RAB33A: variants seen among roughly 807,000 people sequenced by gnomAD.
The protein encoded by RAB33A is RAB33A, member RAS oncogene family, also known as ras-related protein Rab-33A.
A neutral mutation model predicts 12.0 loss-of-function variants in RAB33A; 6 were observed. The observed-to-expected ratio is 0.50, with a 90% confidence interval of 0.27 to 0.99. The LOEUF (loss-of-function observed/expected upper bound fraction) is 0.99. Ranked by LOEUF, RAB33A falls within the 50% of genes least tolerant of loss-of-function variation. RAB33A has a pLI of 0.11. For synonymous variants in RAB33A, 70 were observed against 82.4 expected (o/e 0.85, Z 0.81); for missense variants, 109 against 192.0 (o/e 0.57, Z 2.55).
At chrX:130,142,944 C>T in the RAB33A span, among the ~76,000 whole-genome samples, 9 of 112,275 alleles carry the variant, frequency 8.0e-5, no homozygotes, top group East Asian at 2.8e-4. Flanking sequence ...GTGCATTTTA[C>T]GGTTCTTTTC....
At chrX:130,138,373 G>C in the RAB33A span, among the ~76,000 whole-genome samples, 1 of 111,214 alleles carries the variant, frequency 9.0e-6, no homozygotes, top group African/African-American at 3.3e-5. Context: ...GCTGAGGCAG[G>C]AGAATGGCCT....
At chrX:130,113,394 T>C in the RAB33A span, among the ~76,000 whole-genome samples, 1 of 105,397 alleles carries the variant, frequency 9.5e-6, no homozygotes, top group African/African-American at 3.5e-5. Flanking sequence ...TTCTTTGTGT[T>C]ATATACAATC....
the RAB33A span, among the ~76,000 whole-genome samples, chrX:130,138,936 T>A: frequency 9.0e-6 from 1 of 111,530 alleles, no homozygotes; most frequent in Non-Finnish European, 1.9e-5. Flanking sequence ...CAGGAGGACA[T>A]CTGGCAATAT....
At chrX:130,151,435 G>A in the RAB33A span, among the ~76,000 whole-genome samples, 2 of 111,157 alleles carry the variant, frequency 1.8e-5, no homozygotes, top group Non-Finnish European at 3.8e-5. Flanking sequence ...CACCACACCC[G>A]GCCCCATAAA....
At chrX:130,147,835 G>A in the RAB33A span, 2 of 1,211,869 alleles carry the variant, frequency 1.7e-6, no homozygotes, top group Non-Finnish European at 2.2e-6. Flanking sequence ...AAAGGAACAT[G>A]ACTTGGCGCC....
the RAB33A span, among the ~76,000 whole-genome samples, chrX:130,115,436 A>G: frequency 8.9e-6 from 1 of 111,779 alleles, no homozygotes. Flanking sequence ...AACATGGGGA[A>G]ACCCCATCTG....
At chrX:130,173,100 T>TG (rs2031629415) in intron 1 of RAB33A, among the ~76,000 whole-genome samples, 1 of 112,258 alleles carries the variant, frequency 8.9e-6, no homozygotes. Flanking sequence ...GCCAGGGGAA[T>TG]GTTCAATCCT....
chrX:130,181,651 A>C (rs2124687838), intron 1 of RAB33A, among the ~76,000 whole-genome samples: 1 of 112,529 alleles, frequency 8.9e-6, no homozygotes, highest in South Asian at 3.6e-4. Context: ...ATAACCAAAA[A>C]GTGAACTTAA....
At chrX:130,180,071 G>A (rs1412825813) in intron 1 of RAB33A, among the ~76,000 whole-genome samples, 1 of 110,386 alleles carries the variant, frequency 9.1e-6, no homozygotes, top group Non-Finnish European at 1.9e-5. Context: ...CAATGAGGGG[G>A]CAGCTGATTC....
the RAB33A span, among the ~76,000 whole-genome samples, chrX:130,150,959 T>TA: frequency 1.4e-5 from 1 of 69,711 alleles, no homozygotes; most frequent in Non-Finnish European, 2.5e-5. Flanking sequence ...GCCTGGGCGA[T>TA]AGAGTGAGAC....
the RAB33A span, chrX:130,165,734 G>A: frequency 9.5e-6 from 8 of 843,189 alleles, no homozygotes; most frequent in East Asian, 3.4e-5. Flanking sequence ...CGTGAGCCCC[G>A]GCCAGCTCCC....
chrX:130,119,673 G>A, the RAB33A span, among the ~76,000 whole-genome samples: 1 of 112,254 alleles, frequency 8.9e-6, no homozygotes, highest in African/African-American at 3.2e-5. Flanking sequence ...CTGAGGTCTG[G>A]GCGGGAGACA....
the RAB33A span, among the ~76,000 whole-genome samples, chrX:130,116,612 G>A: frequency 8.9e-6 from 1 of 112,318 alleles, no homozygotes; most frequent in Non-Finnish European, 1.9e-5. Flanking sequence ...CTGGAGACAA[G>A]GTGGCTGGTT....
At chrX:130,181,654 G>C (rs2031727722) in intron 1 of RAB33A, among the ~76,000 whole-genome samples, 2 of 112,210 alleles carry the variant, frequency 1.8e-5, no homozygotes, top group Admixed American at 9.5e-5. Flanking sequence ...ACCAAAAAGT[G>C]AACTTAAAAA....
At chrX:130,153,377 C>T in the RAB33A span, among the ~76,000 whole-genome samples, 1 of 98,945 alleles carries the variant, frequency 1.0e-5, no homozygotes, top group Non-Finnish European at 2.0e-5. Context: ...AAAAAAAAGT[C>T]GGCAGTTTAC....
chrX:130,140,358 G>A, the RAB33A span, among the ~76,000 whole-genome samples: 5 of 112,166 alleles, frequency 4.5e-5, no homozygotes, highest in African/African-American at 1.6e-4. Flanking sequence ...CATCCAGAAG[G>A]GCTGGTGATC....
At chrX:130,165,624 A>G in the RAB33A span, 1 of 1,201,963 alleles carries the variant, frequency 8.3e-7, no homozygotes, top group Non-Finnish European at 1.1e-6. Flanking sequence ...TCTGCTTCAA[A>G]GCACCCGCCG....
the RAB33A span, chrX:130,139,874 G>A: frequency 2.5e-6 from 3 of 1,204,257 alleles, no homozygotes; most frequent in Middle Eastern, 4.6e-4. Context: ...AGTACCTCCT[G>A]GAAATAAGAG....
chrX:130,117,024 T>C, the RAB33A span, among the ~76,000 whole-genome samples: 13 of 111,907 alleles, frequency 1.2e-4, no homozygotes, highest in East Asian at 8.5e-4. Context: ...CCATCCTGGC[T>C]AACATGGTGA....
Sources: allele counts gnomAD v4.1 joint callset (sites outside exome capture counted in the v4.1 genomes callset), GRCh38; gene constraint gnomAD v4.1.1; transcripts MANE v1.5; gene names NCBI Gene and HGNC (gene_info 2026-07-23, HGNC 2026-07-21).